The following CLVS1 variants were observed in gnomAD, a reference collection of about 807,000 sequenced individuals.
CLVS1 encodes clavesin 1.
In CLVS1, 10 loss-of-function variants were observed where a neutral mutation model predicts 33.1. The ratio of observed to expected loss-of-function variants is 0.30; its 90% confidence interval spans 0.19 to 0.51. The LOEUF (loss-of-function observed/expected upper bound fraction) is 0.51. Among genes scored for constraint, CLVS1 ranks in the 20% least tolerant of loss-of-function variants. The pLI is 0.97. For synonymous variants in CLVS1, 163 were observed against 166.1 expected (o/e 0.98, Z 0.14); for missense variants, 343 against 433.4 (o/e 0.79, Z 1.85).
At chr8:61,260,672 A>G (rs1289984448) in intron 2 of CLVS1, among the ~76,000 whole-genome samples, 4 of 152,100 alleles carry the variant, frequency 2.6e-5, no homozygotes, top group African/African-American at 9.7e-5. Flanking sequence ...GATAAAGAAA[A>G]GTGGTCCTGC....
At chr8:61,029,590 C>CTT in the CLVS1 span, among the ~76,000 whole-genome samples, 1 of 147,530 alleles carries the variant, frequency 6.8e-6, no homozygotes, top group East Asian at 2.0e-4. Context: ...AAACAAATTT[C>CTT]TTTTTTTTTT....
At chr8:61,256,123 C>T (rs1296279390) in intron 2 of CLVS1, among the ~76,000 whole-genome samples, 1 of 152,148 alleles carries the variant, frequency 6.6e-6, no homozygotes, top group South Asian at 2.1e-4. Context: ...TCCCAATTCC[C>T]CCATCCTCCT....
chr8:61,088,784 T>C (rs1805174199), intron 1 of CLVS1, among the ~76,000 whole-genome samples: 1 of 151,800 alleles, frequency 6.6e-6, no homozygotes, highest in East Asian at 1.9e-4. Flanking sequence ...GGTCAAGCTT[T>C]TTTTTTTCTT....
At chr8:61,231,052 T>G (rs1443668094) in intron 2 of CLVS1, among the ~76,000 whole-genome samples, 1 of 152,110 alleles carries the variant, frequency 6.6e-6, no homozygotes, top group African/African-American at 2.4e-5. Flanking sequence ...AACATGTGTA[T>G]CTTAGAGGCA....
chr8:61,146,205 A>T (rs1356686425), intron 2 of CLVS1, among the ~76,000 whole-genome samples: 2 of 152,198 alleles, frequency 1.3e-5, no homozygotes, highest in Non-Finnish European at 2.9e-5. Flanking sequence ...TCAGCTTGTT[A>T]TTAGCTGAAT....
At chr8:61,004,917 G>GT in the CLVS1 span, among the ~76,000 whole-genome samples, 1 of 151,922 alleles carries the variant, frequency 6.6e-6, no homozygotes, top group Non-Finnish European at 1.5e-5. Flanking sequence ...CGGGAAAGGT[G>GT]TTTTTTGTTT....
intron 2 of CLVS1, among the ~76,000 whole-genome samples, chr8:61,223,278 G>A (rs186487106): frequency 2.2e-4 from 34 of 152,248 alleles, no homozygotes; most frequent in African/African-American, 7.2e-4. Context: ...AGTGTCATTG[G>A]TCTTTATATT....
At position 61,448,290 on chromosome 8, in the gene CLVS1, T is replaced by C. The variant is rs572668264; in HGVS notation, c.631-5851T>C. 3.3e-5 allele frequency among the ~76,000 whole-genome samples: 5 copies of C among 152,262 alleles called. No homozygotes were observed. In the South Asian group the frequency reaches 1.0e-3, roughly 32 times the overall value. ...GAATCTGTAGGTTTATGTTTCTTTC[T>C]AAATTATGGAAGTTTTCAGCCATTA... On this transcript the variant is annotated intron_variant, in intron 3 of 5. Transcript: ENST00000325897.
intron 3 of CLVS1, among the ~76,000 whole-genome samples, chr8:61,385,901 C>T (rs1250932148): frequency 6.6e-6 from 1 of 152,044 alleles, no homozygotes. Context: ...GGGGGTAGTC[C>T]CCAAAAGATG....
Position 61,068,229 on chromosome 8 carries a change from G to GTATA in CLVS1, c.-243+11015_-243+11018dup, listed in dbSNP as rs201671807. Reference sequence around the variant, plus strand: ...TATATATATATATATGTATGTATGTGTATATATATATATATATATGTATAT... The same window carrying GTATA: ...TATATATATATATATGTATGTATGTGTATATATATATATATATATATATGTATAT... On this transcript the variant is annotated intron_variant, in intron 1 of 2. Coordinates refer to the CLVS1 transcript ENST00000522621. Among the ~76,000 whole-genome samples, 56 of 101,006 alleles carry GTATA rather than the reference G, an allele frequency of 5.5e-4. 1 individual carries two copies. Among genetic ancestry groups the GTATA allele is most frequent in the African/African-American group, 1.3e-3 (37 of 27,480 alleles). 66.3% of individuals were successfully genotyped at this position (101,006 alleles called of 152,430 possible).
chr8:61,209,485 G>T (rs1400070470), intron 2 of CLVS1, among the ~76,000 whole-genome samples: 1 of 152,204 alleles, frequency 6.6e-6, no homozygotes, highest in African/African-American at 2.4e-5. Flanking sequence ...TAAAGACTAT[G>T]TACTATAGTT....
chr8:61,217,208 T>C (rs1187443971), intron 2 of CLVS1, among the ~76,000 whole-genome samples: 2 of 152,202 alleles, frequency 1.3e-5, no homozygotes, highest in African/African-American at 2.4e-5. Context: ...AAAAGATCTC[T>C]TATACTTACA....
chr8:61,219,384 T>G (rs1808162467), intron 2 of CLVS1, among the ~76,000 whole-genome samples: 1 of 152,152 alleles, frequency 6.6e-6, no homozygotes, highest in Non-Finnish European at 1.5e-5. Context: ...CACTTATGAG[T>G]GAGAACATGT....
At chr8:61,393,799 A>G (rs1256014997) in intron 3 of CLVS1, among the ~76,000 whole-genome samples, 1 of 152,182 alleles carries the variant, frequency 6.6e-6, no homozygotes, top group Non-Finnish European at 1.5e-5. Context: ...CACCTGCTCC[A>G]GTGGAGGTGG....
chr8:61,292,045 C>T, intron 1 of CLVS1: 1 of 237,898 alleles, frequency 4.2e-6, no homozygotes, highest in Non-Finnish European at 8.7e-6. Context: ...TGCTGTGTCA[C>T]TAACAAGGTC....
chr8:61,382,673 A>G (rs757722972), intron 3 of CLVS1, among the ~76,000 whole-genome samples: 2 of 152,192 alleles, frequency 1.3e-5, no homozygotes, highest in African/African-American at 4.8e-5. Flanking sequence ...GTTACAACCC[A>G]CAGTGCTGAC....
chr8:61,166,720 A>G (rs565433434), intron 2 of CLVS1, among the ~76,000 whole-genome samples: 47 of 151,952 alleles, frequency 3.1e-4, no homozygotes, highest in African/African-American at 1.1e-3. Flanking sequence ...CTAAGAAACT[A>G]CCCCCTTTAA....
intron 2 of CLVS1, among the ~76,000 whole-genome samples, chr8:61,347,296 A>T (rs1021176894): frequency 6.6e-6 from 1 of 152,144 alleles, no homozygotes; most frequent in Non-Finnish European, 1.5e-5. Flanking sequence ...AGGAGAGACC[A>T]GTCCTGACGC....
rs530936485 is a variant in CLVS1, at chr8:61,343,860, TCTG to T, written c.456-32741_456-32739del. 4.9e-3 allele frequency among the ~76,000 whole-genome samples: 745 copies of T among 152,306 alleles called. 9 individuals carry two copies. Among genetic ancestry groups the T allele is most frequent in the African/African-American group, 0.017 (705 of 41,566 alleles). Reference sequence around the variant, plus strand: ...AAAATGCTGTATAAAATAAAACATTTCTGCTGTCATCATCCTTAATCCACTTTA... The same window carrying T: ...AAAATGCTGTATAAAATAAAACATTTCTGTCATCATCCTTAATCCACTTTA... On this transcript the variant is annotated intron_variant, in intron 2 of 5. Transcript: ENST00000325897.
Sources: allele counts gnomAD v4.1 joint callset (sites outside exome capture counted in the v4.1 genomes callset), GRCh38; gene constraint gnomAD v4.1.1; transcripts MANE v1.5; gene names NCBI Gene and HGNC (gene_info 2026-07-23, HGNC 2026-07-21).